NTRK2: variants seen among roughly 807,000 people sequenced by gnomAD.
The protein encoded by NTRK2 is BDNF/NT-3 growth factors receptor.
A neutral mutation model predicts 94.5 loss-of-function variants in NTRK2; 13 were observed. The observed-to-expected ratio is 0.14, with a 90% CI of 0.09 to 0.22. NTRK2 has a LOEUF of 0.22. NTRK2 is among the 10% of genes least tolerant of loss of function. The probability of loss-of-function intolerance (pLI) is 1.00; values close to 1 mark genes in which losing one functional copy is unlikely to be tolerated. For missense variants in NTRK2, 639 were observed against 1,071.2 expected (o/e 0.60, Z 5.63); for synonymous variants, 372 against 407.4 (o/e 0.91, Z 1.05).
chr9:84,921,916 T>G (rs2077579467), intron 14 of NTRK2, among the ~76,000 whole-genome samples: 1 of 152,172 alleles, frequency 6.6e-6, no homozygotes, highest in Non-Finnish European at 1.5e-5. Flanking sequence ...CAGAAAGGAT[T>G]GTGGAAAGGA....
intron 5 of NTRK2, among the ~76,000 whole-genome samples, chr9:84,709,220 A>G (rs527780742): frequency 6.6e-6 from 1 of 152,358 alleles, no homozygotes; most frequent in South Asian, 2.1e-4. Flanking sequence ...TCGAGCTTGC[A>G]TAGTAAGCTG....
At position 84,853,125 on chromosome 9, in the gene NTRK2, A is replaced by G. The variant is rs74457456; in HGVS notation, c.1397-7915A>G. 4.6e-3 allele frequency among the ~76,000 whole-genome samples: 694 copies of G among 152,306 alleles called. 12 individuals carry two copies. Among genetic ancestry groups the G allele is most frequent in the Admixed American group, 0.038 (576 of 15,286 alleles). ...CTGAGTGCTTTTCCTTATATTGCAC[A>G]TGATCTCACATTCCCAAAATACCCA... On this transcript the variant is annotated intron_variant, in intron 12 of 18. Coordinates refer to ENST00000277120, the MANE Select transcript of NTRK2 (RefSeq NM_006180.6).
At position 84,804,629 on chromosome 9, in the gene NTRK2, T is replaced by C. The variant is rs1216673076; in HGVS notation, c.1396+52544T>C. 5.3e-5 allele frequency among the ~76,000 whole-genome samples: 8 copies of C among 152,182 alleles called. 1 individual carries two copies. In the East Asian group the frequency reaches 1.5e-3, roughly 29 times the overall value. ...TCTGGCTTCATATACTATAAAGAACTGGCTAGAGTATTTTGACGAAAATAA... is the reference window on the plus strand; with the variant it reads ...TCTGGCTTCATATACTATAAAGAACCGGCTAGAGTATTTTGACGAAAATAA... On this transcript the variant is annotated intron_variant, in intron 12 of 18. Transcript: ENST00000277120.
intron 17 of NTRK2, among the ~76,000 whole-genome samples, chr9:84,997,062 C>T (rs189383800): frequency 6.6e-6 from 1 of 152,314 alleles, no homozygotes. Context: ...GTTTCCACCT[C>T]GCTGTGGAGG....
intron 12 of NTRK2, among the ~76,000 whole-genome samples, chr9:84,755,238 C>A (rs983965412): frequency 5.9e-5 from 9 of 152,270 alleles, no homozygotes; most frequent in African/African-American, 2.2e-4. Flanking sequence ...GTGGATTCAT[C>A]GTAAACCAAA....
chr9:84,863,294 G>C (rs773999353), intron 13 of NTRK2, among the ~76,000 whole-genome samples: 42 of 152,186 alleles, frequency 2.8e-4, no homozygotes, highest in Non-Finnish European at 2.8e-4. Flanking sequence ...AGTACAGGAT[G>C]TGTGACCAAG....
chr9:84,777,736 C>T lies in NTRK2; in HGVS notation c.1396+25651C>T, dbSNP rs372313228. Reference sequence around the variant, plus strand: ...GTCCTGAAAATTAGACAAAGAAGTACGAGCTGTCTCTAGCAAGCCATTGCA... The same window carrying T: ...GTCCTGAAAATTAGACAAAGAAGTATGAGCTGTCTCTAGCAAGCCATTGCA... On this transcript the variant is annotated intron_variant, in intron 12 of 18. Transcript: ENST00000277120. 3.3e-5 allele frequency among the ~76,000 whole-genome samples: 5 copies of T among 152,268 alleles called. No homozygotes were observed. The East Asian group carries it at 9.7e-4, about 29-fold the overall frequency.
chr9:84,698,027 T>C lies in NTRK2; in HGVS notation c.213-4132T>C, dbSNP rs527761347. On this transcript the variant is annotated intron_variant, in intron 2 of 18. Coordinates refer to ENST00000277120, the MANE Select transcript of NTRK2 (RefSeq NM_006180.6). Reference sequence around the variant, plus strand: ...AAAGTATAATGACATAATAACTTTATATAATTACATTCAGAAATAATAGTT... The same window carrying C: ...AAAGTATAATGACATAATAACTTTACATAATTACATTCAGAAATAATAGTT... Among the ~76,000 whole-genome samples, 77 of 152,314 alleles carry C rather than the reference T, an allele frequency of 5.1e-4. 2 individuals carry two copies. In the South Asian group the frequency reaches 0.011, roughly 22 times the overall value.
At chr9:84,721,518 A>G (rs1236048217) in intron 6 of NTRK2, among the ~76,000 whole-genome samples, 2 of 152,206 alleles carry the variant, frequency 1.3e-5, no homozygotes, top group Non-Finnish European at 2.9e-5. Context: ...AGACAATTAC[A>G]GCACATGAAA....
intron 14 of NTRK2, among the ~76,000 whole-genome samples, chr9:84,900,602 C>T (rs1413790373): frequency 6.6e-6 from 1 of 152,146 alleles, no homozygotes; most frequent in African/African-American, 2.4e-5. Context: ...TCTAAAGGGA[C>T]AAAAGCAGGC....
In NTRK2 at chr9:84,669,877, GCC is replaced by G. The variant is rs2058587266; in HGVS notation, c.-383_-382del. The G allele has an allele frequency of 6.6e-6, 1 of 152,386 alleles. No individual in the cohort carries two copies. The highest frequency in any genetic ancestry group is 2.4e-5 in the African/African-American group (1 of 41,436). The allele number at this position is 152,386 out of a possible 1,614,324, so 9.4% of individuals were successfully genotyped here. On this transcript the variant is annotated 5_prime_UTR_variant, in exon 1 of 19. Transcript: ENST00000277120. This position sits in a 1 kb window ranked among gnomAD's most constrained non-coding sequence, Gnocchi z 4.1. The stretch of plus-strand genomic sequence containing the variant: ...CAGGCGCCGCCGGCGGGCGTGAGGC[GCC>G]GGAGCCCGGGTGAGCAGCGCAGATA...
At chr9:85,018,042 A>C (rs1255178358) in intron 17 of NTRK2, among the ~76,000 whole-genome samples, 3 of 152,156 alleles carry the variant, frequency 2.0e-5, no homozygotes, top group African/African-American at 7.2e-5. Context: ...TTAGGTAAGC[A>C]AAACAATGCC....
chr9:84,850,132 A>G (rs747714521), intron 12 of NTRK2, among the ~76,000 whole-genome samples: 2 of 152,226 alleles, frequency 1.3e-5, no homozygotes, highest in Admixed American at 6.5e-5. Context: ...TGATAAGAGT[A>G]ACTTTTAATG....
chr9:84,865,405 A>G (rs1471403330), intron 13 of NTRK2, among the ~76,000 whole-genome samples: 1 of 152,192 alleles, frequency 6.6e-6, no homozygotes, highest in Non-Finnish European at 1.5e-5. Context: ...GACACTGCTT[A>G]GCTGGGGAAT....
At chr9:84,865,526 G>A (rs2075550846) in intron 13 of NTRK2, among the ~76,000 whole-genome samples, 1 of 152,196 alleles carries the variant, frequency 6.6e-6, no homozygotes, top group South Asian at 2.1e-4. Context: ...TTCAAGACTG[G>A]ATGACAAAAC....
chr9:84,936,934 T>C (rs1015264601), intron 15 of NTRK2, among the ~76,000 whole-genome samples: 4 of 152,128 alleles, frequency 2.6e-5, no homozygotes, highest in Admixed American at 6.5e-5. Flanking sequence ...GATGTTTATT[T>C]CAACTCTCTG....
At chr9:84,860,925 T>A (rs1486354823) in intron 12 of NTRK2, 115 bp from the exon 13 acceptor site, 1 of 450,514 alleles carries the variant, frequency 2.2e-6, no homozygotes, top group Admixed American at 3.9e-5. Flanking sequence ...ATTTATTTAT[T>A]TATTTATTTT....
At chr9:84,868,891 G>C (rs1394528666) in intron 14 of NTRK2, among the ~76,000 whole-genome samples, 1 of 152,154 alleles carries the variant, frequency 6.6e-6, no homozygotes, top group Non-Finnish European at 1.5e-5. Context: ...CCAGGCCTAT[G>C]ATGCATTTCA....
chr9:84,725,093 C>T (rs1175082498), intron 8 of NTRK2, among the ~76,000 whole-genome samples: 6 of 151,998 alleles, frequency 3.9e-5, no homozygotes, highest in Non-Finnish European at 7.4e-5. Context: ...TGAGCTGGCA[C>T]GGTATAAATT....
Sources: gnomAD v4.1 joint callset for allele counts (sites outside exome capture counted in the v4.1 genomes callset) on GRCh38, gnomAD v4.1.1 for gene constraint, Gnocchi (gnomAD v3.1) non-coding constraint, MANE v1.5 for transcripts, NCBI Gene and HGNC (gene_info 2026-07-23, HGNC 2026-07-21) for gene names.